Variants in ANTXRL observed in about 807,000 individuals in gnomAD.
ANTXRL encodes ANTXR like, also known as anthrax toxin receptor-like.
ANTXRL carries 63 observed loss-of-function variants against 75.4 expected under a neutral mutation model. The observed-to-expected ratio is 0.84, with a 90% confidence interval of 0.68 to 1.03. The LOEUF is 1.03. Among genes scored for constraint, ANTXRL ranks in the 50% least tolerant of loss-of-function variants. ANTXRL has a pLI of 0.00. For synonymous variants in ANTXRL, 335 were observed against 291.3 expected (o/e 1.15, Z -1.53); for missense variants, 797 against 789.4 (o/e 1.01, Z -0.12).
At position 46,313,646 on chromosome 10, in the gene ANTXRL, T is replaced by C. The variant is rs185635731; in HGVS notation, c.1410+330T>C. Among the ~76,000 whole-genome samples the C allele has an allele frequency of 1.5e-3, 221 of 152,218 alleles. 2 individuals are homozygous for C. Among genetic ancestry groups the C allele is most frequent in the African/African-American group, 5.0e-3 (208 of 41,504 alleles). ...CATAGGGAGGACCAAATTTTTAAGA[T>C]TTTCTCTTTGTAACTTATTATGAAT... is the stretch of plus-strand genomic sequence containing the variant. On this transcript the variant is annotated intron_variant, in intron 16 of 16. Coordinates refer to ENST00000620264, the MANE Select transcript of ANTXRL (RefSeq NM_001278688.3).
At chr10:46,313,463 G>C in intron 16 of ANTXRL, 147 bp downstream of exon 16, 1 of 826,064 alleles carries the variant, frequency 1.2e-6, no homozygotes, top group Admixed American at 2.1e-5. Flanking sequence ...GTGCCCATGG[G>C]CATCCCAGCC....
At chr10:46,318,262 T>C (rs1838828663) in intron 16 of ANTXRL, among the ~76,000 whole-genome samples, 2 of 152,158 alleles carry the variant, frequency 1.3e-5, no homozygotes, top group South Asian at 4.1e-4. Context: ...CATGAAAGAT[T>C]CCTTTCTCTT....
At chr10:46,317,405 A>T (rs1269082440) in intron 16 of ANTXRL, among the ~76,000 whole-genome samples, 1 of 152,112 alleles carries the variant, frequency 6.6e-6, no homozygotes, top group Non-Finnish European at 1.5e-5. Flanking sequence ...CTAAATTCGT[A>T]CTCATGTTTG....
Position 46,301,095 on chromosome 10 carries a change from A to G in ANTXRL, c.797-1627A>G, listed in dbSNP as rs1248401128. The stretch of plus-strand genomic sequence containing the variant: ...TAATTTGCAATTATCCTGTCCATGG[A>G]GCTTTGGGGCAGCACTCAGCCCTGC... On this transcript the variant is annotated intron_variant, in intron 9 of 16. Transcript: ENST00000620264. Among the ~76,000 whole-genome samples, 11 of 151,852 alleles carry G rather than the reference A, an allele frequency of 7.2e-5. 1 individual carries two copies. The highest frequency in any genetic ancestry group is 2.7e-4 in the African/African-American group (11 of 41,278).
At position 46,310,505 on chromosome 10, in the gene ANTXRL, T is replaced by G; in HGVS notation, c.1173+6T>G. ...CTGTGCAGAAGCCAGAAAAGGTAAG[T>G]TGCAGTTCTGGTCCCGATATTGTCA... On this transcript the variant is annotated splice_donor_region_variant and intron_variant, in intron 14 of 16. Transcript: ENST00000620264. The G allele has an allele frequency of 6.5e-7, 1 of 1,536,176 alleles. No homozygotes were observed. The highest frequency in any genetic ancestry group is 8.7e-7 in the Non-Finnish European group (1 of 1,146,668).
At position 46,309,107 on chromosome 10, in the gene ANTXRL, C is replaced by A. The variant is rs1554962697; in HGVS notation, c.1045-6C>A. On this transcript the variant is annotated splice_polypyrimidine_tract_variant and splice_region_variant and intron_variant, in intron 12 of 16. Coordinates refer to ENST00000620264, the MANE Select transcript of ANTXRL (RefSeq NM_001278688.3). ...GCCCTCCTATGGTGCTCTCTTTCTCCACCAGGGCATTTTCCGCAACTGGCT... is the reference window on the plus strand; with the variant it reads ...GCCCTCCTATGGTGCTCTCTTTCTCAACCAGGGCATTTTCCGCAACTGGCT... 22 of 1,534,236 alleles carry A rather than the reference C, an allele frequency of 1.4e-5. No individual in the cohort carries two copies. The highest frequency in any genetic ancestry group is 2.4e-5 in the South Asian group (2 of 84,058).
chr10:46,308,208 C>T (rs1200549437), intron 12 of ANTXRL, among the ~76,000 whole-genome samples: 3 of 152,148 alleles, frequency 2.0e-5, no homozygotes, highest in Non-Finnish European at 4.4e-5. Context: ...CTTGCCTGTC[C>T]CTGCACATCC....
chr10:46,320,696 C>T (rs1838938142), intron 16 of ANTXRL, among the ~76,000 whole-genome samples: 1 of 152,140 alleles, frequency 6.6e-6, no homozygotes, highest in African/African-American at 2.4e-5. Flanking sequence ...CATGCCACTG[C>T]ACTCCAGCAT....
At chr10:46,315,778 C>A (rs1294373526) in intron 16 of ANTXRL, among the ~76,000 whole-genome samples, 1 of 152,278 alleles carries the variant, frequency 6.6e-6, no homozygotes, top group African/African-American at 2.4e-5. Flanking sequence ...CAAATCCAAA[C>A]ATTTTTGCAT....
At chr10:46,295,874 G>T in intron 3 of ANTXRL, 145 bp from the exon 4 acceptor site, 1 of 709,024 alleles carries the variant, frequency 1.4e-6, no homozygotes, top group Non-Finnish European at 2.4e-6. Flanking sequence ...TCACAATGAG[G>T]AATGAGGAGG....
intron 9 of ANTXRL, among the ~76,000 whole-genome samples, chr10:46,298,347 A>ATG (rs1837513260): frequency 3.3e-5 from 5 of 150,258 alleles, no homozygotes; most frequent in Admixed American, 6.6e-5. Flanking sequence ...TGCTGTGGAA[A>ATG]TGTGTGTGAG....
chr10:46,299,189 C>T (rs1837566287), intron 9 of ANTXRL, among the ~76,000 whole-genome samples: 1 of 151,992 alleles, frequency 6.6e-6, no homozygotes, highest in African/African-American at 2.4e-5. Context: ...GAAACAGGAA[C>T]CAAGCGGTTA....
intron 9 of ANTXRL, among the ~76,000 whole-genome samples, chr10:46,302,282 G>A (rs146037171): frequency 5.3e-5 from 8 of 152,230 alleles, no homozygotes; most frequent in African/African-American, 1.4e-4. Flanking sequence ...TCCAGGCCTG[G>A]GTGCCCAGCT....
chr10:46,325,511 T>C (rs1554966301), intron 16 of ANTXRL, among the ~76,000 whole-genome samples: 1 of 152,166 alleles, frequency 6.6e-6, no homozygotes, highest in Non-Finnish European at 1.5e-5. Flanking sequence ...AATTCAGTCA[T>C]GTCTGTAACT....
intron 16 of ANTXRL, among the ~76,000 whole-genome samples, chr10:46,328,332 T>C (rs542411273): frequency 1.3e-5 from 2 of 152,222 alleles, no homozygotes; most frequent in East Asian, 1.9e-4. Context: ...TGTTATCTAA[T>C]TGCCTGCCTG....
chr10:46,297,933 G>C (rs1215242593), intron 8 of ANTXRL, 22 bp downstream of exon 8: 1 of 1,535,864 alleles, frequency 6.5e-7, no homozygotes. Context: ...GAGGTGAGGG[G>C]CTGGGGACCT....
Position 46,313,319 on chromosome 10 carries a change from G to A in ANTXRL, c.1410+3G>A. 5 of 1,535,822 alleles carry A rather than the reference G, an allele frequency of 3.3e-6. No homozygotes were observed. Among genetic ancestry groups the A allele is most frequent in the Non-Finnish European group, 4.4e-6 (5 of 1,146,646 alleles). ...TGTGTTGTCAGAGCAGGGACCAGGTGAGCTAGGGCACAGGGACACAGTTGA... is the reference window on the plus strand; with the variant it reads ...TGTGTTGTCAGAGCAGGGACCAGGTAAGCTAGGGCACAGGGACACAGTTGA... On this transcript the variant is annotated splice_donor_region_variant and intron_variant, in intron 16 of 16. Coordinates refer to ENST00000620264, the MANE Select transcript of ANTXRL (RefSeq NM_001278688.3).
chr10:46,309,601 G>A (rs1838301611), intron 13 of ANTXRL, among the ~76,000 whole-genome samples: 1 of 152,218 alleles, frequency 6.6e-6, no homozygotes, highest in East Asian at 1.9e-4. Context: ...GCCCCCATGA[G>A]GCCCTGCTGG....
chr10:46,317,197 G>A (rs782809282), intron 16 of ANTXRL, among the ~76,000 whole-genome samples: 1 of 152,092 alleles, frequency 6.6e-6, no homozygotes, highest in Non-Finnish European at 1.5e-5. Flanking sequence ...TTCATGACTA[G>A]ATATATGCCA....
Sources: gnomAD v4.1 joint callset for allele counts (sites outside exome capture counted in the v4.1 genomes callset) on GRCh38, gnomAD v4.1.1 for gene constraint, MANE v1.5 for transcripts, NCBI Gene and HGNC (gene_info 2026-07-23, HGNC 2026-07-21) for gene names.